Variants in TADA2A observed in about 807,000 individuals in gnomAD.
TADA2A encodes the protein transcriptional adaptor 2A.
TADA2A carries 38 observed loss-of-function variants against 67.4 expected under a neutral mutation model. The ratio of observed to expected loss-of-function variants is 0.56; its 90% CI spans 0.44 to 0.74. TADA2A has a LOEUF of 0.74. Among genes scored for constraint, TADA2A ranks in the 30% least tolerant of loss-of-function variants. The pLI is 0.00. For synonymous variants in TADA2A, 192 were observed against 181.6 expected, an observed-to-expected ratio of 1.06 and a Z score of -0.46; for missense variants, 454 against 547.0, an observed-to-expected ratio of 0.83 and a Z score of 1.70.
chr17:37,418,569 A>G (rs570241689), intron 2 of TADA2A, among the ~76,000 whole-genome samples: 17 of 152,192 alleles, frequency 1.1e-4, no homozygotes, highest in African/African-American at 3.4e-4. Context: ...GTGAAAAAAC[A>G]TGTATGATAT....
intron 2 of TADA2A, among the ~76,000 whole-genome samples, chr17:37,419,892 G>T (rs1366302775): frequency 6.9e-6 from 1 of 145,732 alleles, no homozygotes; most frequent in African/African-American, 2.5e-5. Flanking sequence ...GTGTGCACTT[G>T]TAGTCCCAGC....
At chr17:37,422,381 G>A (rs2052264997) in intron 2 of TADA2A, among the ~76,000 whole-genome samples, 1 of 150,516 alleles carries the variant, frequency 6.6e-6, no homozygotes, top group Non-Finnish European at 1.5e-5. Flanking sequence ...GGGTTTCACT[G>A]TGTTGCCCAG....
chr17:37,463,372 T>C (rs1003721675), intron 10 of TADA2A, among the ~76,000 whole-genome samples: 2 of 152,104 alleles, frequency 1.3e-5, no homozygotes, highest in African/African-American at 4.8e-5. Context: ...GTTGATAGAT[T>C]CTTGTAGGGG....
intron 4 of TADA2A, among the ~76,000 whole-genome samples, chr17:37,427,667 G>A (rs948813465): frequency 2.6e-5 from 4 of 152,080 alleles, no homozygotes; most frequent in African/African-American, 9.7e-5. Flanking sequence ...TGCTTGACGG[G>A]TATATATACC....
chr17:37,449,043 C>T (rs573185547), intron 8 of TADA2A, among the ~76,000 whole-genome samples: 24 of 151,154 alleles, frequency 1.6e-4, no homozygotes, highest in Non-Finnish European at 2.9e-4. Context: ...TTTTTTGAGA[C>T]GGAGTCTCGC....
chr17:37,453,337 A>C (rs2053283823), intron 8 of TADA2A, among the ~76,000 whole-genome samples: 1 of 152,220 alleles, frequency 6.6e-6, no homozygotes, highest in Admixed American at 6.5e-5. Flanking sequence ...TTCATGTAAT[A>C]AAAGAAATTA....
At chr17:37,435,794 G>A (rs931010773) in intron 4 of TADA2A, among the ~76,000 whole-genome samples, 1 of 151,982 alleles carries the variant, frequency 6.6e-6, no homozygotes, top group Non-Finnish European at 1.5e-5. Context: ...TGCCCAGGCT[G>A]GTCTCAAACT....
chr17:37,469,843 T>C (rs904986325), intron 12 of TADA2A, among the ~76,000 whole-genome samples: 1 of 152,194 alleles, frequency 6.6e-6, no homozygotes, highest in Non-Finnish European at 1.5e-5. Context: ...TTTGTTAACA[T>C]GTAGAAAACA....
At chr17:37,448,201 G>T (rs1223821523) in intron 8 of TADA2A, among the ~76,000 whole-genome samples, 2 of 152,146 alleles carry the variant, frequency 1.3e-5, no homozygotes, top group African/African-American at 4.8e-5. Context: ...AACCTATCCA[G>T]AATATTGGCT....
At chr17:37,470,995 A>G in intron 13 of TADA2A, 99 bp from the exon 14 acceptor site, 1 of 1,141,720 alleles carries the variant, frequency 8.8e-7, no homozygotes, top group Non-Finnish European at 1.3e-6. Context: ...CACTTCTTCA[A>G]GGTGACCTAC....
At chr17:37,411,470 T>C in intron 2 of TADA2A, 80 bp downstream of exon 2, 1 of 1,332,880 alleles carries the variant, frequency 7.5e-7, no homozygotes, top group East Asian at 2.3e-5. Flanking sequence ...TTGCCCAGGC[T>C]GGGGTACAGT....
intron 2 of TADA2A, among the ~76,000 whole-genome samples, chr17:37,413,080 C>T (rs556636422): frequency 6.6e-6 from 1 of 152,130 alleles, no homozygotes; most frequent in South Asian, 2.1e-4. Context: ...GCGTCTGCCA[C>T]CACGCCCGGC....
At chr17:37,413,855 ACTT>A (rs1211383196) in intron 2 of TADA2A, among the ~76,000 whole-genome samples, 2 of 151,954 alleles carry the variant, frequency 1.3e-5, no homozygotes, top group Non-Finnish European at 2.9e-5. Context: ...ATATAGGTAA[ACTT>A]CTTGTCACAG....
rs577859905 is a variant in TADA2A at position 37,440,426 on chromosome 17, T to C, written c.285-79T>C. ...TATATTATATGGATGTGACTTAAAA[T>C]ATGAAAAGAGCAAATGATGCTTTTA... is the stretch of plus-strand genomic sequence containing the variant. On this transcript the variant is annotated intron_variant, in intron 5 of 15. Transcript: ENST00000615182. 12 of 1,509,970 alleles carry C rather than the reference T, an allele frequency of 7.9e-6. No homozygotes were observed. In the Admixed American group the frequency reaches 2.4e-4, roughly 31 times the overall value. 93.5% of individuals were successfully genotyped at this position (1,509,970 alleles called of 1,614,324 possible).
At chr17:37,474,474 C>G (rs2053852901) in intron 14 of TADA2A, 82 bp from the exon 15 acceptor site, 1 of 1,348,304 alleles carries the variant, frequency 7.4e-7, no homozygotes, top group African/African-American at 1.4e-5. Flanking sequence ...ACTGGCCTGG[C>G]TGCACTGAAC....
rs374539142 is a variant in TADA2A, at chr17:37,411,173, T to C, written c.-97-96T>C. On this transcript the variant is annotated intron_variant, in intron 1 of 15. Transcript: ENST00000615182. ...GAATAATTTTTCAACATTACAAAGCTAAGATGTGGCAGAGCTGAGTATGTT... is the reference window on the plus strand; with the variant it reads ...GAATAATTTTTCAACATTACAAAGCCAAGATGTGGCAGAGCTGAGTATGTT... 35 of 610,984 alleles carry C rather than the reference T, an allele frequency of 5.7e-5. No individual in the cohort carries two copies. The South Asian group carries it at 7.0e-4, about 12-fold the overall frequency. The allele number at this position is 610,984 out of a possible 1,614,324, so 37.8% of individuals were successfully genotyped here.
Position 37,442,557 on chromosome 17 carries a change from C to T in TADA2A, c.443-7C>T. The T allele has an allele frequency of 6.2e-7, 1 of 1,612,252 alleles. No homozygotes were observed. The highest frequency in any genetic ancestry group is 8.5e-7 in the Non-Finnish European group (1 of 1,178,936). On this transcript the variant is annotated splice_region_variant and splice_polypyrimidine_tract_variant and intron_variant, in intron 6 of 15. Coordinates refer to ENST00000615182, the MANE Select transcript of TADA2A (RefSeq NM_001166105.3). The stretch of plus-strand genomic sequence containing the variant: ...AGTTAACTCAGAAACCTTCTAAATT[C>T]TTCCAGCTACAGATGACCCTCCCCG...
chr17:37,441,428 T>C (rs1205609947), intron 6 of TADA2A, among the ~76,000 whole-genome samples: 1 of 152,212 alleles, frequency 6.6e-6, no homozygotes, highest in Non-Finnish European at 1.5e-5. Flanking sequence ...CAGTTTGTTA[T>C]TTTTGTTCGC....
chr17:37,410,569 T>A (rs1470768242), intron 1 of TADA2A, among the ~76,000 whole-genome samples: 1 of 152,158 alleles, frequency 6.6e-6, no homozygotes, highest in Non-Finnish European at 1.5e-5. Context: ...TTCAGTCTTA[T>A]GATTAAAGTT....
Sources: allele counts gnomAD v4.1 joint callset (sites outside exome capture counted in the v4.1 genomes callset), GRCh38; gene constraint gnomAD v4.1.1; transcripts MANE v1.5; gene names NCBI Gene and HGNC (gene_info 2026-07-23, HGNC 2026-07-21).